ANO4: variants seen among roughly 807,000 people sequenced by gnomAD.
ANO4 encodes the protein anoctamin 4.
Under a neutral mutation model 141.9 loss-of-function variants are expected in ANO4, and 69 were observed. The observed-to-expected ratio is 0.49, with a 90% CI of 0.40 to 0.59. The LOEUF (loss-of-function observed/expected upper bound fraction) is 0.59, where lower values mean the gene tolerates loss of function less well. Among genes scored for constraint, ANO4 ranks in the 20% least tolerant of loss-of-function variants. ANO4 has a pLI of 0.00. For missense variants in ANO4, 894 were observed against 1,162.2 expected (o/e 0.77, Z 3.36); for synonymous variants, 350 against 394.3 (o/e 0.89, Z 1.33).
At chr12:100,771,725 G>A (rs1015424266) in intron 3 of ANO4, among the ~76,000 whole-genome samples, 2 of 152,232 alleles carry the variant, frequency 1.3e-5, no homozygotes, top group African/African-American at 4.8e-5. Context: ...AGGAGGTCTT[G>A]TTAGAAGGAC....
At chr12:100,853,638 T>A (rs1424520788) in intron 1 of ANO4, among the ~76,000 whole-genome samples, 1 of 151,978 alleles carries the variant, frequency 6.6e-6, no homozygotes, top group African/African-American at 2.4e-5. Flanking sequence ...ATTTTTTTCC[T>A]GTTCAGAACC....
intron 2 of ANO4, among the ~76,000 whole-genome samples, chr12:100,912,287 A>G (rs533654310): frequency 6.7e-6 from 1 of 149,992 alleles, no homozygotes; most frequent in African/African-American, 2.4e-5. Context: ...CCCAGCTACT[A>G]GGGAGGCTGA....
chr12:100,832,924 A>G (rs2036704223), intron 1 of ANO4, among the ~76,000 whole-genome samples: 2 of 152,164 alleles, frequency 1.3e-5, no homozygotes, highest in Non-Finnish European at 2.9e-5. Context: ...CTAACACTTT[A>G]AACACTTATA....
At chr12:100,722,001 T>C (rs116253777) in intron 1 of ANO4, among the ~76,000 whole-genome samples, 1 of 152,162 alleles carries the variant, frequency 6.6e-6, no homozygotes, top group African/African-American at 2.4e-5. Context: ...TTGAGCAAAT[T>C]AATTCACCTT....
chr12:100,791,414 A>AAAC (rs968532087), upstream of ANO4, among the ~76,000 whole-genome samples: 1 of 152,138 alleles, frequency 6.6e-6, no homozygotes, highest in Non-Finnish European at 1.5e-5. Context: ...TGTCTCCAAA[A>AAAC]AACAACAACA....
chr12:100,831,889 AT>A (rs1438476984), intron 1 of ANO4, among the ~76,000 whole-genome samples: 2 of 151,944 alleles, frequency 1.3e-5, no homozygotes, highest in Non-Finnish European at 1.5e-5. Flanking sequence ...GACTCTTCTG[AT>A]TTTTTTCCTG....
intron 14 of ANO4, among the ~76,000 whole-genome samples, chr12:101,052,753 T>C (rs1328946472): frequency 6.6e-6 from 1 of 152,220 alleles, no homozygotes; most frequent in Non-Finnish European, 1.5e-5. Context: ...AAAATGGTAA[T>C]TGTATGTTGA....
At chr12:100,822,467 G>C (rs576416187) in intron 1 of ANO4, among the ~76,000 whole-genome samples, 5 of 152,156 alleles carry the variant, frequency 3.3e-5, no homozygotes, top group African/African-American at 1.2e-4. Flanking sequence ...GGAGACGGCA[G>C]CTCCTGGACC....
At chr12:101,119,837 T>TTAA (rs2051008635) in intron 25 of ANO4, among the ~76,000 whole-genome samples, 1 of 152,154 alleles carries the variant, frequency 6.6e-6, no homozygotes, top group Non-Finnish European at 1.5e-5. Flanking sequence ...AAGTATTACT[T>TTAA]TAATGGAGTC....
intron 7 of ANO4, among the ~76,000 whole-genome samples, chr12:100,980,163 A>G (rs1355896779): frequency 6.6e-6 from 1 of 152,210 alleles, no homozygotes; most frequent in Non-Finnish European, 1.5e-5. Flanking sequence ...ATTGGAAGGT[A>G]CTGGAAGACT....
rs562007196 is a variant in ANO4 at position 101,073,923 on chromosome 12, G to A, written c.1313-5270G>A. Among the ~76,000 whole-genome samples, 110 of 152,190 alleles carry A rather than the reference G, an allele frequency of 7.2e-4. No individual in the cohort carries two copies. The Middle Eastern group carries it at 0.01, about 14-fold the overall frequency. On this transcript the variant is annotated intron_variant, in intron 14 of 27. Transcript: ENST00000392977. ...GGTAGATTTTATTTGTGGATAGGTAGGTACATGGTGGAGGTGAAGGTAGAA... is the reference window on the plus strand; with the variant it reads ...GGTAGATTTTATTTGTGGATAGGTAAGTACATGGTGGAGGTGAAGGTAGAA...
rs749291879 is a variant in ANO4 at position 100,740,071 on chromosome 12, T to A, written c.324T>A (p.Ser108Arg). The A allele has an allele frequency of 4.3e-6, 3 of 702,608 alleles. No homozygotes were observed. In the South Asian group the frequency reaches 4.4e-5, roughly 10 times the overall value. 43.5% of individuals were successfully genotyped at this position (702,608 alleles called of 1,614,324 possible). A position where few individuals can be genotyped will look rare whatever the true frequency, so the allele number is the denominator to read the frequency against. Residue 108 changes from serine (S) to arginine (R), a missense_variant, in exon 3 of 30, where the codon AGT (serine) becomes AGA (arginine). Physicochemically the swap from Ser to Arg is moderately radical, Grantham distance 110. Transcript: ENST00000644049. ...TCACTCCAGTGCCTTCTTACAGCAGTAGCAGCCAGGAAACCCTGAGTCAAG... is the reference window on the plus strand; with the variant it reads ...TCACTCCAGTGCCTTCTTACAGCAGAAGCAGCCAGGAAACCCTGAGTCAAG...
intron 1 of ANO4, among the ~76,000 whole-genome samples, chr12:100,828,032 TGA>T (rs1207306548): frequency 6.6e-6 from 1 of 152,010 alleles, no homozygotes; most frequent in Non-Finnish European, 1.5e-5. Context: ...AACAAGGTTG[TGA>T]TACATACTCC....
At chr12:100,923,528 G>A (rs961822295) in intron 3 of ANO4, among the ~76,000 whole-genome samples, 1 of 152,110 alleles carries the variant, frequency 6.6e-6, no homozygotes, top group African/African-American at 2.4e-5. Context: ...TTTAAATCCA[G>A]TCTATCATTG....
At chr12:100,993,581 T>G (rs1255269889) in intron 8 of ANO4, among the ~76,000 whole-genome samples, 1 of 152,072 alleles carries the variant, frequency 6.6e-6, no homozygotes, top group East Asian at 1.9e-4. Context: ...TGTGGGTCAC[T>G]CTGGGGGAAG....
At chr12:100,934,369 T>G (rs967204384) in intron 3 of ANO4, among the ~76,000 whole-genome samples, 1 of 152,190 alleles carries the variant, frequency 6.6e-6, no homozygotes. Flanking sequence ...TTTCTGCGTT[T>G]CTTGTTTTTG....
At chr12:101,018,700 C>T (rs2046404687) in intron 8 of ANO4, among the ~76,000 whole-genome samples, 1 of 152,180 alleles carries the variant, frequency 6.6e-6, no homozygotes, top group Non-Finnish European at 1.5e-5. Flanking sequence ...CAGCCACTCA[C>T]CGGATCCCTG....
At chr12:100,829,626 T>C (rs1211876411) in intron 1 of ANO4, among the ~76,000 whole-genome samples, 2 of 152,064 alleles carry the variant, frequency 1.3e-5, no homozygotes, top group African/African-American at 4.8e-5. Flanking sequence ...ATAAGATATT[T>C]TTGTTACTTC....
chr12:101,071,654 A>G (rs904536979), intron 14 of ANO4, among the ~76,000 whole-genome samples: 1 of 152,174 alleles, frequency 6.6e-6, no homozygotes, highest in Non-Finnish European at 1.5e-5. Flanking sequence ...ACTATAGTCA[A>G]TAATAATTTA....
Sources: gnomAD v4.1 joint callset for allele counts (sites outside exome capture counted in the v4.1 genomes callset) on GRCh38, gnomAD v4.1.1 for gene constraint, MANE v1.5 for transcripts, NCBI Gene and HGNC (gene_info 2026-07-23, HGNC 2026-07-21) for gene names.